INTS4: variants seen among roughly 807,000 people sequenced by gnomAD.
INTS4 encodes integrator complex subunit 4.
A neutral mutation model predicts 119.5 loss-of-function variants in INTS4; 70 were observed. The observed-to-expected ratio is 0.59, with a 90% CI of 0.48 to 0.71. The LOEUF is 0.71. INTS4 is among the 30% of genes least tolerant of loss of function. The pLI is 0.00. For missense variants in INTS4, 867 were observed against 1,173.2 expected, an observed-to-expected ratio of 0.74 and a Z score of 3.81; for synonymous variants, 316 against 419.6, an observed-to-expected ratio of 0.75 and a Z score of 3.02.
At chr11:77,982,129 T>C (rs916949784) in intron 2 of INTS4, among the ~76,000 whole-genome samples, 28 of 150,798 alleles carry the variant, frequency 1.9e-4, no homozygotes, top group Admixed American at 1.1e-3. Context: ...TCTTTCATTC[T>C]ACCTGTCTTT....
At chr11:77,955,868 C>A (rs1174598595) in intron 8 of INTS4, 74 bp downstream of exon 8, 17 of 1,439,624 alleles carry the variant, frequency 1.2e-5, no homozygotes, top group Non-Finnish European at 1.4e-5. Flanking sequence ...ACCTGGGCCA[C>A]ACAGTCCTCA....
At chr11:77,885,541 G>A (rs556759403) in intron 21 of INTS4, among the ~76,000 whole-genome samples, 11 of 152,102 alleles carry the variant, frequency 7.2e-5, no homozygotes, top group South Asian at 4.2e-4. Context: ...GGGGAGGGCC[G>A]GGCACAGTGG....
chr11:77,908,166 C>G (rs1460769981), intron 15 of INTS4, among the ~76,000 whole-genome samples: 1 of 152,048 alleles, frequency 6.6e-6, no homozygotes, highest in Non-Finnish European at 1.5e-5. Context: ...ATAGTAAAAA[C>G]TCAGTAGCTA....
rs562170515 is a variant in INTS4, at chr11:77,896,742, A to T, written c.2229-2393T>A. The stretch of plus-strand genomic sequence containing the variant: ...AAAAGAAAAGGTATAGGAAAAATAG[A>T]TCCAGAAAATCCAACATTTAGTATA... On this transcript the variant is annotated intron_variant, in intron 18 of 22. Transcript: ENST00000534064. Among the ~76,000 whole-genome samples the T allele has an allele frequency of 3.0e-3, 453 of 152,074 alleles. 2 individuals are homozygous for T. Among genetic ancestry groups the T allele is most frequent in the African/African-American group, 0.01 (435 of 41,508 alleles).
At chr11:77,980,764 G>A (rs947904440) in intron 3 of INTS4, among the ~76,000 whole-genome samples, 2 of 152,140 alleles carry the variant, frequency 1.3e-5, no homozygotes, top group Non-Finnish European at 2.9e-5. Context: ...GCTGAAGTGG[G>A]TGGATCACAA....
chr11:77,980,942 G>A (rs1311532255), intron 3 of INTS4, among the ~76,000 whole-genome samples: 41 of 151,814 alleles, frequency 2.7e-4, no homozygotes, highest in African/African-American at 9.2e-4. Context: ...GCAGTGAGCC[G>A]AGATCGTGCC....
intron 17 of INTS4, 41 bp downstream of exon 17, chr11:77,903,499 G>A (rs773059612): frequency 1.2e-5 from 19 of 1,606,760 alleles, no homozygotes; most frequent in Non-Finnish European, 1.4e-5. Context: ...GACAATTACT[G>A]GACAGAGACC....
At chr11:77,893,285 G>A (rs919980797) in intron 19 of INTS4, among the ~76,000 whole-genome samples, 1 of 152,144 alleles carries the variant, frequency 6.6e-6, no homozygotes, top group African/African-American at 2.4e-5. Context: ...CAAAACAATT[G>A]TAGATTATAG....
rs1422450611 is a variant in INTS4, at chr11:77,902,789, G to C, written c.2097+751C>G. ...AGTCTCAATACTCAGGTGCAAAGGG[G>C]AATGACTCAAAGCTAAAAAGAAATA... On this transcript the variant is annotated intron_variant, in intron 17 of 22. Coordinates refer to ENST00000534064, the MANE Select transcript of INTS4 (RefSeq NM_033547.4). Among the ~76,000 whole-genome samples the C allele has an allele frequency of 1.3e-5, 2 of 152,164 alleles. 1 individual carries two copies. Among genetic ancestry groups the C allele is most frequent in the Non-Finnish European group, 2.9e-5 (2 of 68,026 alleles).
In INTS4 at chr11:77,939,770, G is replaced by A. The variant is rs1243202557; in HGVS notation, c.991-945C>T. Reference sequence around the variant, plus strand: ...CGAGGTGAGAGGATCACTTGAGCCCGGGAGGCAGAGGTTGCAGTGAACCAA... The same window carrying A: ...CGAGGTGAGAGGATCACTTGAGCCCAGGAGGCAGAGGTTGCAGTGAACCAA... On this transcript the variant is annotated intron_variant, in intron 9 of 22. Transcript: ENST00000534064. Among the ~76,000 whole-genome samples the A allele has an allele frequency of 9.9e-5, 15 of 151,584 alleles. No homozygotes were observed. The South Asian group carries it at 1.3e-3, about 13-fold the overall frequency.
chr11:77,977,612 G>C (rs1369570557), intron 4 of INTS4, among the ~76,000 whole-genome samples: 4 of 151,430 alleles, frequency 2.6e-5, no homozygotes, highest in Admixed American at 2.6e-4. Context: ...AATTATGAAT[G>C]CATTTTTCTT....
chr11:77,938,691 A>G lies in INTS4; in HGVS notation c.1125T>C (p.Ala375=). The G allele has an allele frequency of 6.2e-7, 1 of 1,611,870 alleles. No individual in the cohort carries two copies. The highest frequency in any genetic ancestry group is 8.5e-7 in the Non-Finnish European group (1 of 1,179,818). ...TGAVNLIESG[A]CGAFVHGLED... is the part of the protein sequence containing the mutation. ...CCAACCCATGAACAAAAGCTCCACAAGCTCCTGACTCAATCAAGTTCACAG... is the reference window on the plus strand; with the variant it reads ...CCAACCCATGAACAAAAGCTCCACAGGCTCCTGACTCAATCAAGTTCACAG... Residue 375 remains alanine, a synonymous_variant, in exon 10 of 23, where the codon GCT becomes GCC. Transcript: ENST00000534064.
At chr11:77,944,297 G>A (rs754314238) in intron 8 of INTS4, among the ~76,000 whole-genome samples, 2 of 152,108 alleles carry the variant, frequency 1.3e-5, no homozygotes, top group Admixed American at 1.3e-4. Context: ...AACTTACCTC[G>A]TTACAGATCC....
intron 16 of INTS4, among the ~76,000 whole-genome samples, chr11:77,905,908 G>A (rs1438559166): frequency 6.6e-6 from 1 of 152,078 alleles, no homozygotes; most frequent in Non-Finnish European, 1.5e-5. Flanking sequence ...AGTAACCTGA[G>A]TGTTTATGCT....
chr11:77,938,180 A>T (rs903580368), intron 10 of INTS4, among the ~76,000 whole-genome samples: 4 of 152,184 alleles, frequency 2.6e-5, no homozygotes, highest in Admixed American at 2.6e-4. Context: ...GGTGAAATAA[A>T]ATATTCATCA....
intron 3 of INTS4, among the ~76,000 whole-genome samples, chr11:77,979,481 A>C (rs973299490): frequency 1.3e-4 from 19 of 151,814 alleles, no homozygotes. Flanking sequence ...TCCTAAAAAA[A>C]CAGAAAAAAA....
chr11:77,960,844 C>T, intron 5 of INTS4, 109 bp downstream of exon 5: 2 of 1,009,706 alleles, frequency 2.0e-6, no homozygotes, highest in South Asian at 1.9e-5. Flanking sequence ...CAATACCCTC[C>T]TGAAAGTATA....
chr11:77,961,090 G>A lies in INTS4; in HGVS notation c.520C>T (p.Leu174Phe), dbSNP rs770992713. The A allele has an allele frequency of 4.8e-5, 75 of 1,558,702 alleles. 1 individual carries two copies. The South Asian group carries it at 8.1e-4, about 17-fold the overall frequency. Residue 174 changes from leucine (L) to phenylalanine (F), a missense_variant, in exon 5 of 23, where the codon CTT becomes TTT. Around this residue, in one of 5 missense-constraint regions of INTS4, gnomAD observed 224 missense variants for 231.8 expected, o/e 0.97. Coordinates refer to ENST00000534064, the MANE Select transcript of INTS4 (RefSeq NM_033547.4). Reference protein sequence around the residue: ...HGVRNKCLQLLGNLGSLEKSV... With the variant: ...HGVRNKCLQLFGNLGSLEKSV... Reference sequence around the variant, plus strand: ...TTCTCCAAAGAGCCAAGATTGCCAAGTAACTGCAGGCACTTATTTCTTACA... The same window carrying A: ...TTCTCCAAAGAGCCAAGATTGCCAAATAACTGCAGGCACTTATTTCTTACA...
At chr11:77,881,859 G>A (rs1951804997) in intron 22 of INTS4, among the ~76,000 whole-genome samples, 1 of 151,422 alleles carries the variant, frequency 6.6e-6, no homozygotes, top group Non-Finnish European at 1.5e-5. Context: ...TTGTAATAGT[G>A]ACTGGGTAGC....
Sources: gnomAD v4.1 joint callset for allele counts (sites outside exome capture counted in the v4.1 genomes callset) on GRCh38, gnomAD v4.1.1 for gene constraint, gnomAD v4.1.1 regional missense constraint, MANE v1.5 for transcripts, NCBI Gene and HGNC (gene_info 2026-07-23, HGNC 2026-07-21) for gene names.